Variants in PRUNE2 observed in about 807,000 individuals in gnomAD.
The protein encoded by PRUNE2 is protein prune homolog 2.
Under a neutral mutation model 252.0 loss-of-function variants are expected in PRUNE2, and 164 were observed. That is an observed-to-expected ratio of 0.65 (90% CI 0.57 to 0.74). PRUNE2 has a LOEUF of 0.74. PRUNE2 is among the 30% of genes least tolerant of loss of function. PRUNE2 has a pLI of 0.00. For missense variants in PRUNE2, 3,495 were observed against 3,711.0 expected (o/e 0.94, Z 1.51); for synonymous variants, 1,292 against 1,350.2 (o/e 0.96, Z 0.94).
chr9:76,703,325 C>A lies in PRUNE2; in HGVS notation c.8276+12G>T. The stretch of plus-strand genomic sequence containing the variant: ...TTTTCAGGAAAAAAAATAAATCTAG[C>A]TTTTTGCTTACCCATTTGGTCTTGA... On this transcript the variant is annotated intron_variant, in intron 9 of 18. Transcript: ENST00000376718. 6.5e-7 allele frequency: 1 copy of A among 1,550,310 alleles called. No individual in the cohort carries two copies. Among genetic ancestry groups the A allele is most frequent in the Non-Finnish European group, 8.7e-7 (1 of 1,151,186 alleles).
At chr9:76,737,008 TA>T (rs1473011721) in intron 6 of PRUNE2, 8 of 152,016 alleles carry the variant, frequency 5.3e-5, no homozygotes, top group Non-Finnish European at 1.0e-4. Flanking sequence ...TATGGGACAG[TA>T]TAAGATGGTA....
chr9:76,815,898 C>T (rs1330564276), intron 6 of PRUNE2, among the ~76,000 whole-genome samples: 3 of 152,112 alleles, frequency 2.0e-5, no homozygotes, highest in African/African-American at 7.2e-5. Context: ...CGGTGGCTCA[C>T]GCCTGTAATC....
At chr9:76,620,713 A>G (rs904296456) in intron 17 of PRUNE2, among the ~76,000 whole-genome samples, 1 of 152,134 alleles carries the variant, frequency 6.6e-6, no homozygotes, top group Non-Finnish European at 1.5e-5. Context: ...AATTCCAGTG[A>G]GCAAGGACAG....
chr9:76,665,589 G>A (rs934071560), intron 9 of PRUNE2, among the ~76,000 whole-genome samples: 10 of 152,212 alleles, frequency 6.6e-5, no homozygotes, highest in Admixed American at 6.5e-4. Context: ...TGGGGGACAA[G>A]CACACCCAGT....
intron 1 of PRUNE2, among the ~76,000 whole-genome samples, chr9:76,893,016 AC>A (rs2062581093): frequency 6.6e-6 from 1 of 152,194 alleles, no homozygotes; most frequent in South Asian, 2.1e-4. Flanking sequence ...ATCCTTCATG[AC>A]AAAGAACATG....
intron 6 of PRUNE2, among the ~76,000 whole-genome samples, chr9:76,747,700 G>C (rs1331399472): frequency 2.0e-5 from 3 of 152,078 alleles, no homozygotes; most frequent in Non-Finnish European, 2.9e-5. Flanking sequence ...TCTTTAAGCA[G>C]TACTGCTTAA....
At chr9:76,897,444 C>T (rs1205931958) in intron 1 of PRUNE2, among the ~76,000 whole-genome samples, 1 of 112,164 alleles carries the variant, frequency 8.9e-6, no homozygotes, top group Non-Finnish European at 1.7e-5. Flanking sequence ...GAGTCTCGCT[C>T]TGTCATCCAG....
intron 6 of PRUNE2, among the ~76,000 whole-genome samples, chr9:76,754,129 T>A (rs2050890034): frequency 6.6e-6 from 1 of 152,126 alleles, no homozygotes; most frequent in South Asian, 2.1e-4. Context: ...CAGCATCTCT[T>A]CTTTACACCT....
At chr9:76,786,454 A>C (rs942456163) in intron 6 of PRUNE2, 2 of 152,406 alleles carry the variant, frequency 1.3e-5, no homozygotes, top group Non-Finnish European at 2.9e-5. Flanking sequence ...TCCTTAAATC[A>C]AGGAAACCAG....
intron 6 of PRUNE2, among the ~76,000 whole-genome samples, chr9:76,807,049 T>TGTGTGC (rs1554779807): frequency 7.6e-6 from 1 of 132,098 alleles, no homozygotes; most frequent in Non-Finnish European, 1.7e-5. Context: ...TGTGTGTGTG[T>TGTGTGC]GTGCGCGCGC....
chr9:76,748,376 G>A (rs996555321), intron 6 of PRUNE2, among the ~76,000 whole-genome samples: 7 of 152,186 alleles, frequency 4.6e-5, no homozygotes, highest in African/African-American at 1.7e-4. Context: ...AGACTGGCCG[G>A]AAAGACAACC....
chr9:76,799,564 A>G (rs2056393749), intron 6 of PRUNE2, among the ~76,000 whole-genome samples: 1 of 152,114 alleles, frequency 6.6e-6, no homozygotes, highest in African/African-American at 2.4e-5. Flanking sequence ...CCTAAGTTAA[A>G]CATAAAAAGT....
intron 6 of PRUNE2, among the ~76,000 whole-genome samples, chr9:76,719,916 G>A (rs2047482450): frequency 6.6e-6 from 1 of 151,998 alleles, no homozygotes; most frequent in African/African-American, 2.4e-5. Context: ...CAAAGTGCTG[G>A]GATTAGAGGC....
intron 16 of PRUNE2, among the ~76,000 whole-genome samples, chr9:76,627,184 T>C (rs1376968563): frequency 6.6e-6 from 1 of 151,794 alleles, no homozygotes; most frequent in African/African-American, 2.4e-5. Context: ...CACTGCAATT[T>C]CCGCCTCCCA....
intron 6 of PRUNE2, among the ~76,000 whole-genome samples, chr9:76,723,917 C>T (rs1360845878): frequency 6.6e-6 from 1 of 150,830 alleles, no homozygotes; most frequent in Non-Finnish European, 1.5e-5. Flanking sequence ...ACGCCCTTCT[C>T]CTGCCTCAGC....
chr9:76,765,099 T>A (rs1405151825), intron 6 of PRUNE2, among the ~76,000 whole-genome samples: 1 of 152,168 alleles, frequency 6.6e-6, no homozygotes, highest in Admixed American at 6.5e-5. Flanking sequence ...CAGTAGCAGA[T>A]GTACATTTGT....
At chr9:76,837,804 C>T (rs12336671) in intron 4 of PRUNE2, among the ~76,000 whole-genome samples, 7,432 of 145,042 alleles carry the variant, frequency 0.051, 224 homozygotes, top group East Asian at 0.12. Context: ...CGGAGTCTTG[C>T]TCTGTCGCCC....
chr9:76,682,207 A>T (rs1672735124), intron 9 of PRUNE2, among the ~76,000 whole-genome samples: 2 of 152,066 alleles, frequency 1.3e-5, no homozygotes, highest in South Asian at 4.1e-4. Context: ...AGATATTAAT[A>T]AAAAAACTTT....
Position 76,708,671 on chromosome 9 carries a change from G to A in PRUNE2, c.3603C>T (p.Pro1201=), listed in dbSNP as rs1184146146. 6.2e-7 allele frequency: 1 copy of A among 1,613,960 alleles called. No individual in the cohort carries two copies. The highest frequency in any genetic ancestry group is 1.1e-5 in the South Asian group (1 of 91,076). Reference sequence around the variant, plus strand: ...TCTCATTCAATGTGTGATGTTCACTGGGAGCACTGTCCTTGGTATGCTCAT... The same window carrying A: ...TCTCATTCAATGTGTGATGTTCACTAGGAGCACTGTCCTTGGTATGCTCAT... ...ASDEHTKDSA[P]SEHHTLNEKS... is the part of the protein sequence containing the mutation. Residue 1201 remains proline (P), a synonymous_variant, in exon 8 of 19, where the codon CCC becomes CCT. Coordinates refer to ENST00000376718, the MANE Select transcript of PRUNE2 (RefSeq NM_015225.3).
Sources: allele counts gnomAD v4.1 joint callset (sites outside exome capture counted in the v4.1 genomes callset), GRCh38; gene constraint gnomAD v4.1.1; transcripts MANE v1.5; gene names NCBI Gene and HGNC (gene_info 2026-07-23, HGNC 2026-07-21).